Variants in PPP2R5E observed in about 807,000 individuals in gnomAD.
PPP2R5E encodes the protein serine/threonine-protein phosphatase 2A 56 kDa regulatory subunit epsilon isoform.
PPP2R5E carries 4 observed loss-of-function variants against 65.3 expected under a neutral mutation model. The observed-to-expected ratio is 0.06, with a 90% CI of 0.03 to 0.14. PPP2R5E has a LOEUF of 0.14. Among genes scored for constraint, PPP2R5E ranks in the 10% least tolerant of loss-of-function variants. The probability of loss-of-function intolerance (pLI) is 1.00; values close to 1 mark genes in which losing one functional copy is unlikely to be tolerated. For synonymous variants in PPP2R5E, 183 were observed against 187.4 expected (o/e 0.98, Z 0.19); for missense variants, 274 against 556.1 (o/e 0.49, Z 5.10).
chr14:63,493,599 A>C (rs2139642618), intron 2 of PPP2R5E, among the ~76,000 whole-genome samples: 1 of 152,184 alleles, frequency 6.6e-6, no homozygotes, highest in Non-Finnish European at 1.5e-5. Context: ...CAGCTAAATA[A>C]AGGCTGCTTA....
At position 63,468,318 on chromosome 14, in the gene PPP2R5E, T is replaced by C. The variant is rs865950148; in HGVS notation, c.158-14433A>G. Among the ~76,000 whole-genome samples the C allele has an allele frequency of 1.1e-3, 160 of 152,350 alleles. 2 individuals are homozygous for C. Among genetic ancestry groups the C allele is most frequent in the African/African-American group, 3.7e-3 (153 of 41,588 alleles). On this transcript the variant is annotated intron_variant, in intron 2 of 13. Coordinates refer to ENST00000337537, the MANE Select transcript of PPP2R5E (RefSeq NM_006246.5). ...TACATATAGATCTCCCCTCCCTTTT[T>C]GGTATGTCTGGTTGTGTAAGCATAT...
intron 3 of PPP2R5E, among the ~76,000 whole-genome samples, chr14:63,431,573 CAAGT>C (rs1887673136): frequency 6.6e-6 from 1 of 152,094 alleles, no homozygotes; most frequent in South Asian, 2.1e-4. Context: ...AATACTGTAA[CAAGT>C]AGGTATGATC....
intron 13 of PPP2R5E, among the ~76,000 whole-genome samples, chr14:63,379,228 C>G (rs912116424): frequency 2.6e-5 from 4 of 152,054 alleles, no homozygotes; most frequent in African/African-American, 9.7e-5. Flanking sequence ...CGGGGTTTCA[C>G]CATGTTAGCC....
chr14:63,528,712 T>C (rs556332312), intron 2 of PPP2R5E, among the ~76,000 whole-genome samples: 97 of 151,288 alleles, frequency 6.4e-4, no homozygotes, highest in Non-Finnish European at 1.2e-3. Context: ...GCCTGGGTTT[T>C]GCAAAAAAAA....
chr14:63,396,845 A>C, intron 5 of PPP2R5E, 129 bp from the exon 6 acceptor site: 3 of 1,111,256 alleles, frequency 2.7e-6, no homozygotes, highest in South Asian at 1.7e-5. Context: ...TGCCAAGCAC[A>C]GTGCTAGTCT....
intron 7 of PPP2R5E, among the ~76,000 whole-genome samples, chr14:63,394,229 C>T (rs1885201283): frequency 6.6e-6 from 1 of 151,840 alleles, no homozygotes; most frequent in Non-Finnish European, 1.5e-5. Context: ...ATTACAGGCA[C>T]CCACCACCAT....
intron 2 of PPP2R5E, among the ~76,000 whole-genome samples, chr14:63,527,077 G>A (rs1302417737): frequency 6.6e-6 from 1 of 152,182 alleles, no homozygotes; most frequent in Non-Finnish European, 1.5e-5. Context: ...GCTGAGGCAG[G>A]AGAATCACTT....
At chr14:63,394,067 TTCC>T in intron 7 of PPP2R5E, 139 bp from the exon 8 acceptor site, 1 of 415,148 alleles carries the variant, frequency 2.4e-6, no homozygotes, top group Non-Finnish European at 4.3e-6. Context: ...CATTCAGAAT[TTCC>T]TTTTTTTTTT....
chr14:63,451,895 A>G (rs1888854175), intron 3 of PPP2R5E: 1 of 152,194 alleles, frequency 6.6e-6, no homozygotes. Context: ...TTAAAAAATT[A>G]AATTTTTAAA....
At chr14:63,461,779 T>C (rs1268201422) in intron 2 of PPP2R5E, among the ~76,000 whole-genome samples, 1 of 151,812 alleles carries the variant, frequency 6.6e-6, no homozygotes, top group South Asian at 2.1e-4. Context: ...TAGATAATAG[T>C]GTGAGACCTT....
intron 2 of PPP2R5E, among the ~76,000 whole-genome samples, chr14:63,481,743 T>A (rs1890712682): frequency 6.6e-6 from 1 of 152,218 alleles, no homozygotes; most frequent in Non-Finnish European, 1.5e-5. Context: ...TGAATTGAAT[T>A]AACACAGCCT....
chr14:63,382,652 C>A (rs201492018), intron 12 of PPP2R5E, among the ~76,000 whole-genome samples: 4 of 152,124 alleles, frequency 2.6e-5, no homozygotes, highest in Non-Finnish European at 5.9e-5. Context: ...CTGCCTGCCT[C>A]GGCCTCCCAA....
At chr14:63,499,218 T>A (rs1891729778) in intron 2 of PPP2R5E, among the ~76,000 whole-genome samples, 2 of 152,260 alleles carry the variant, frequency 1.3e-5, no homozygotes, top group Middle Eastern at 3.4e-3. Flanking sequence ...AACTAAAACC[T>A]TAATACAATT....
At chr14:63,380,634 C>A (rs1884294970) in intron 13 of PPP2R5E, among the ~76,000 whole-genome samples, 1 of 151,790 alleles carries the variant, frequency 6.6e-6, no homozygotes, top group African/African-American at 2.4e-5. Flanking sequence ...TGCACTCCAG[C>A]CTGGGCAACA....
chr14:63,414,136 A>T (rs1026103221), intron 5 of PPP2R5E, among the ~76,000 whole-genome samples: 1 of 152,172 alleles, frequency 6.6e-6, no homozygotes, highest in African/African-American at 2.4e-5. Flanking sequence ...AGTGTCAAAA[A>T]CAGTCAAAAA....
At chr14:63,457,579 C>T (rs972360427) in intron 2 of PPP2R5E, among the ~76,000 whole-genome samples, 6 of 152,062 alleles carry the variant, frequency 3.9e-5, no homozygotes, top group African/African-American at 1.4e-4. Flanking sequence ...TCTTAGAATC[C>T]CAAAGCAGAC....
At chr14:63,526,194 C>G (rs528459905) in intron 2 of PPP2R5E, among the ~76,000 whole-genome samples, 2 of 152,214 alleles carry the variant, frequency 1.3e-5, no homozygotes, top group South Asian at 4.1e-4. Context: ...AAATAAAATG[C>G]TGCAAAACTA....
chr14:63,400,065 A>G (rs1885658426), intron 5 of PPP2R5E, among the ~76,000 whole-genome samples: 5 of 152,246 alleles, frequency 3.3e-5, no homozygotes, highest in Admixed American at 6.5e-5. Context: ...AGGTAGAGAC[A>G]GGACACAATT....
intron 3 of PPP2R5E, 42 bp downstream of exon 3, chr14:63,453,647 G>C: frequency 6.3e-7 from 1 of 1,579,990 alleles, no homozygotes; most frequent in Non-Finnish European, 8.7e-7. Flanking sequence ...AGTCACTATG[G>C]AAGATGCTTA....
Sources: allele counts gnomAD v4.1 joint callset (sites outside exome capture counted in the v4.1 genomes callset), GRCh38; gene constraint gnomAD v4.1.1; transcripts MANE v1.5; gene names NCBI Gene and HGNC (gene_info 2026-07-23, HGNC 2026-07-21).